Variants in NCAPG2 observed in about 807,000 individuals in gnomAD.
NCAPG2 encodes the protein condensin-2 complex subunit G2.
NCAPG2 carries 53 observed loss-of-function variants against 141.1 expected under a neutral mutation model. The ratio of observed to expected loss-of-function variants is 0.38; its 90% CI spans 0.30 to 0.47. The LOEUF (loss-of-function observed/expected upper bound fraction) is 0.47, where lower values mean the gene tolerates loss of function less well. NCAPG2 is among the 20% of genes least tolerant of loss of function. The pLI is 0.99. For missense variants in NCAPG2, 1,087 were observed against 1,389.0 expected (o/e 0.78, Z 3.46); for synonymous variants, 499 against 490.7 (o/e 1.02, Z -0.22).
rs1833355515 is a variant in NCAPG2 at position 158,668,216 on chromosome 7, CTTACCCACTACT to C, written c.1479+3286_1479+3297del. ...CCGACCCTGGGTCCCTCCGCCCCCC[CTTACCCACTACT>C]GGGTCCCTCTGCCCTCCTTACCCAC... On this transcript the variant is annotated intron_variant, in intron 13 of 27. Transcript: ENST00000356309. The C allele has an allele frequency of 3.3e-5, 2 of 61,000 alleles. 1 individual carries two copies. The highest frequency in any genetic ancestry group is 5.3e-4 in the African/African-American group (2 of 3,762). 3.8% of individuals were successfully genotyped at this position (61,000 alleles called of 1,614,324 possible).
rs1404947246 is a variant in NCAPG2 at position 158,644,333 on chromosome 7, T to C, written c.3336A>G (p.Leu1112=). Residue 1112 remains leucine (L), a synonymous_variant, in exon 27 of 28, where the codon CTA becomes CTG. Transcript: ENST00000356309. ...CCAAAGTAATTTCCATGAATGTCTTTAGTTTTCTGTGAACAGTGGCTGCAA... is the reference window on the plus strand; with the variant it reads ...CCAAAGTAATTTCCATGAATGTCTTCAGTTTTCTGTGAACAGTGGCTGCAA... ...REVAATVHRK[L]KTFMEITLEE... is the part of the protein sequence containing the mutation. 8 of 1,613,972 alleles carry C rather than the reference T, an allele frequency of 5.0e-6. No individual in the cohort carries two copies. The highest frequency in any genetic ancestry group is 3.3e-5 in the Admixed American group (2 of 60,010).
intron 27 of NCAPG2, among the ~76,000 whole-genome samples, chr7:158,638,161 A>G (rs931773702): frequency 6.6e-6 from 1 of 152,158 alleles, no homozygotes; most frequent in Non-Finnish European, 1.5e-5. Flanking sequence ...AAACAAAAAA[A>G]TCCCTGACAC....
At chr7:158,689,423 A>G (rs1364975275) in intron 6 of NCAPG2, among the ~76,000 whole-genome samples, 1 of 152,148 alleles carries the variant, frequency 6.6e-6, no homozygotes, top group Non-Finnish European at 1.5e-5. Context: ...GCCTCTCTGG[A>G]TTTACAGGAT....
At chr7:158,685,951 C>G (rs933578452) in intron 8 of NCAPG2, among the ~76,000 whole-genome samples, 1 of 152,168 alleles carries the variant, frequency 6.6e-6, no homozygotes, top group Non-Finnish European at 1.5e-5. Flanking sequence ...CTGGAAAGAT[C>G]AGGGTCAGAG....
chr7:158,693,064 G>C (rs1473361934), intron 3 of NCAPG2, 108 bp from the exon 4 acceptor site: 11 of 866,804 alleles, frequency 1.3e-5, no homozygotes, highest in East Asian at 1.1e-4. Context: ...CACAATTCTA[G>C]CTTATTCTAA....
chr7:158,646,211 T>C (rs1831005455), intron 25 of NCAPG2, among the ~76,000 whole-genome samples: 1 of 152,260 alleles, frequency 6.6e-6, no homozygotes, highest in African/African-American at 2.4e-5. Context: ...ATTTAAGTTA[T>C]GAGAAGCATA....
chr7:158,668,544 C>T (rs1833449005), intron 13 of NCAPG2: 8 of 633,648 alleles, frequency 1.3e-5, no homozygotes, highest in African/African-American at 2.0e-5. Context: ...CAAAATAGTC[C>T]GGCAGTGTGG....
chr7:158,671,313 A>T (rs1833669262), intron 13 of NCAPG2, among the ~76,000 whole-genome samples: 1 of 152,256 alleles, frequency 6.6e-6, no homozygotes, highest in African/African-American at 2.4e-5. Flanking sequence ...TGCTTACATT[A>T]ATGTCTTTCA....
chr7:158,690,756 A>G, intron 4 of NCAPG2, 34 bp from the exon 5 acceptor site: 1 of 1,592,138 alleles, frequency 6.3e-7, no homozygotes. Context: ...CCAATTAGTA[A>G]GGCAAATTCT....
chr7:158,641,814 T>G (rs183847220), intron 27 of NCAPG2, among the ~76,000 whole-genome samples: 19 of 152,296 alleles, frequency 1.2e-4, no homozygotes, highest in African/African-American at 4.6e-4. Flanking sequence ...GTTATTATAG[T>G]TGGAGACTAT....
At chr7:158,686,614 C>CA (rs1418477236) in intron 7 of NCAPG2, among the ~76,000 whole-genome samples, 19 of 152,164 alleles carry the variant, frequency 1.2e-4, no homozygotes, top group African/African-American at 4.1e-4. Context: ...TCCTGAGGTA[C>CA]AAGAAGCCCT....
intron 27 of NCAPG2, chr7:158,640,214 T>C (rs889689129): frequency 7.9e-5 from 12 of 152,200 alleles, no homozygotes; most frequent in African/African-American, 2.9e-4. Context: ...TCTCAGATAC[T>C]ACACGAGCCA....
At chr7:158,678,573 T>A (rs1007692300) in intron 11 of NCAPG2, among the ~76,000 whole-genome samples, 1 of 152,060 alleles carries the variant, frequency 6.6e-6, no homozygotes, top group African/African-American at 2.4e-5. Context: ...AGTATAATCA[T>A]GGTTCACTGT....
At chr7:158,655,070 T>C (rs749924993) in intron 21 of NCAPG2, 48 bp downstream of exon 21, 9 of 1,541,436 alleles carry the variant, frequency 5.8e-6, no homozygotes, top group Non-Finnish European at 7.8e-6. Context: ...TCCTGAAACA[T>C]AACAAACTTG....
intron 12 of NCAPG2, among the ~76,000 whole-genome samples, chr7:158,673,178 G>C (rs1002501723): frequency 1.8e-4 from 28 of 152,246 alleles, no homozygotes; most frequent in African/African-American, 6.8e-4. Flanking sequence ...AGAACAGCAC[G>C]CAAGTGAGTG....
chr7:158,704,105 T>G (rs1587329309), intron 1 of NCAPG2, among the ~76,000 whole-genome samples: 1 of 134,388 alleles, frequency 7.4e-6, no homozygotes, highest in Non-Finnish European at 1.6e-5. Context: ...GTAGTGCCCA[T>G]GCCCAGGACT....
Position 158,664,739 on chromosome 7 carries a change from T to C in NCAPG2, c.1491A>G (p.Ile497Met), listed in dbSNP as rs1832789387. 6.2e-7 allele frequency: 1 copy of C among 1,613,752 alleles called. No individual in the cohort carries two copies. ...GAACCAGAATGTGCTCCATGGGACA[T>C]ATTTTCCAAAACTGTGCAAAAAGCA... The part of the protein sequence containing the change: ...KAVRAAKFWK[I>M]CPMEHILVRL... Residue 497 changes from isoleucine (I) to methionine (M), a missense_variant, in exon 14 of 28, where the codon ATA becomes ATG. Transcript: ENST00000356309.
intron 1 of NCAPG2, among the ~76,000 whole-genome samples, chr7:158,702,754 T>A (rs1413601676): frequency 6.6e-6 from 1 of 152,212 alleles, no homozygotes; most frequent in Non-Finnish European, 1.5e-5. Flanking sequence ...AGAGTCATCT[T>A]AAACATATAA....
At chr7:158,655,001 GTAAGT>G (rs1437989622) in intron 21 of NCAPG2, 112 bp downstream of exon 21, 5 of 244,714 alleles carry the variant, frequency 2.0e-5, no homozygotes, top group Non-Finnish European at 3.1e-5. Context: ...AAATGTCCCT[GTAAGT>G]TTTTAAGAAT....
Sources: gnomAD v4.1 joint callset for allele counts (sites outside exome capture counted in the v4.1 genomes callset) on GRCh38, gnomAD v4.1.1 for gene constraint, MANE v1.5 for transcripts, NCBI Gene and HGNC (gene_info 2026-07-23, HGNC 2026-07-21) for gene names.